NINL: variants seen among roughly 807,000 people sequenced by gnomAD.
The protein encoded by NINL is ninein like, also known as ninein-like protein.
Under a neutral mutation model 160.3 loss-of-function variants are expected in NINL, and 153 were observed. The ratio of observed to expected loss-of-function variants is 0.95; its 90% confidence interval spans 0.84 to 1.09. NINL has a LOEUF of 1.09. Among genes scored for constraint, NINL ranks in the 50% least tolerant of loss-of-function variants. The probability of loss-of-function intolerance (pLI) is 0.00; values close to 1 mark genes in which losing one functional copy is unlikely to be tolerated. For synonymous variants in NINL, 800 were observed against 734.8 expected (o/e 1.09, Z -1.43); for missense variants, 1,829 against 1,764.0 (o/e 1.04, Z -0.66).
At chr20:25,555,456 G>A (rs759353987) in intron 1 of NINL, among the ~76,000 whole-genome samples, 2 of 152,196 alleles carry the variant, frequency 1.3e-5, no homozygotes, top group African/African-American at 4.8e-5. Context: ...TTTACTCTAC[G>A]TAAAATTTGT....
chr20:25,484,044 A>C (rs1291327256), intron 13 of NINL, among the ~76,000 whole-genome samples: 1 of 152,206 alleles, frequency 6.6e-6, no homozygotes, highest in East Asian at 1.9e-4. Flanking sequence ...GATGAAGCCC[A>C]AAGTAGCCCT....
intron 5 of NINL, among the ~76,000 whole-genome samples, chr20:25,510,382 A>C (rs939257106): frequency 3.3e-5 from 5 of 152,228 alleles, no homozygotes; most frequent in African/African-American, 1.2e-4. Flanking sequence ...AGCTGGGGTC[A>C]CATCAGTACT....
intron 13 of NINL, 141 bp downstream of exon 13, chr20:25,489,103 G>A: frequency 3.7e-6 from 3 of 806,788 alleles, no homozygotes; most frequent in Non-Finnish European, 6.4e-6. Flanking sequence ...AAGTCTAGGA[G>A]TGTGGCAAGG....
intron 1 of NINL, among the ~76,000 whole-genome samples, chr20:25,563,941 G>A (rs1416943999): frequency 6.6e-6 from 1 of 152,150 alleles, no homozygotes; most frequent in East Asian, 1.9e-4. Flanking sequence ...AGAACTGGCT[G>A]GGCGTGGTGG....
intron 18 of NINL, among the ~76,000 whole-genome samples, chr20:25,468,818 C>T (rs1315648555): frequency 5.1e-5 from 7 of 136,058 alleles, no homozygotes; most frequent in African/African-American, 1.9e-4. Context: ...TGGGCACCCC[C>T]CTACCCTGTC....
At chr20:25,489,176 G>A in intron 13 of NINL, 68 bp downstream of exon 13, 2 of 1,428,238 alleles carry the variant, frequency 1.4e-6, no homozygotes, top group Non-Finnish European at 2.0e-6. Flanking sequence ...GCGTTACTGT[G>A]GACCACCTGC....
At chr20:25,519,704 G>A (rs1397278015) in intron 2 of NINL, among the ~76,000 whole-genome samples, 2 of 152,108 alleles carry the variant, frequency 1.3e-5, no homozygotes, top group Non-Finnish European at 2.9e-5. Context: ...GTATCTCAGA[G>A]ACATACTATG....
intron 13 of NINL, among the ~76,000 whole-genome samples, chr20:25,483,644 A>G (rs764448493): frequency 6.6e-6 from 1 of 152,266 alleles, no homozygotes; most frequent in African/African-American, 2.4e-5. Context: ...AGGCTAGGAC[A>G]CCATGGCAGG....
chr20:25,549,722 C>T (rs768010795), intron 1 of NINL, among the ~76,000 whole-genome samples: 5 of 152,172 alleles, frequency 3.3e-5, no homozygotes, highest in African/African-American at 1.2e-4. Flanking sequence ...AAAGCCCACT[C>T]GGACCTTGGA....
chr20:25,470,025 G>T lies in NINL; in HGVS notation c.3319C>A (p.Leu1107Ile). The part of the protein sequence containing the change: ...KNDLGRVRQE[L>I]EAAESTHDAQ... ...TCGTGAGTACTTTCTGCAGCTTCAA[G>T]CTCTTGCCGAACCCTTCCCAGATCG... The change falls in exon 18 of 24, where the codon CTT becomes ATT. Residue 1107 changes from leucine (L) to isoleucine (I), a missense_variant. Transcript: ENST00000278886. The T allele has an allele frequency of 6.2e-7, 1 of 1,614,162 alleles. No homozygotes were observed. The highest frequency in any genetic ancestry group is 8.5e-7 in the Non-Finnish European group (1 of 1,179,998).
At chr20:25,550,723 T>C (rs1206854214) in intron 1 of NINL, among the ~76,000 whole-genome samples, 3 of 152,214 alleles carry the variant, frequency 2.0e-5, no homozygotes, top group African/African-American at 7.2e-5. Flanking sequence ...AAGAGCAGTA[T>C]TGCTGCCAGC....
intron 1 of NINL, among the ~76,000 whole-genome samples, chr20:25,566,456 G>A (rs2065000798): frequency 6.6e-6 from 1 of 151,966 alleles, no homozygotes; most frequent in African/African-American, 2.4e-5. Flanking sequence ...GCAAGCATCA[G>A]AACCCACCTC....
At chr20:25,548,775 C>T (rs1429444881) in intron 1 of NINL, among the ~76,000 whole-genome samples, 1 of 149,848 alleles carries the variant, frequency 6.7e-6, no homozygotes. Context: ...GCACCCACGG[C>T]CACAGCTCCC....
At chr20:25,572,358 G>C (rs2065063980) in intron 1 of NINL, among the ~76,000 whole-genome samples, 1 of 152,022 alleles carries the variant, frequency 6.6e-6, no homozygotes, top group Admixed American at 6.6e-5. Context: ...CCCACTCTCT[G>C]AGCTGTCAGA....
At chr20:25,456,531 G>A (rs193055058) in intron 22 of NINL, among the ~76,000 whole-genome samples, 10 of 151,382 alleles carry the variant, frequency 6.6e-5, no homozygotes, top group African/African-American at 1.9e-4. Flanking sequence ...CTGGGTGACA[G>A]AGCAAGACTC....
At chr20:25,577,727 G>A (rs1054742903) in intron 1 of NINL, among the ~76,000 whole-genome samples, 2 of 152,094 alleles carry the variant, frequency 1.3e-5, no homozygotes, top group East Asian at 1.9e-4. Context: ...CCATCCTGGC[G>A]GGGGAGCCCA....
At chr20:25,556,978 G>C (rs2064874407) in intron 1 of NINL, among the ~76,000 whole-genome samples, 1 of 152,170 alleles carries the variant, frequency 6.6e-6, no homozygotes, top group Non-Finnish European at 1.5e-5. Context: ...CACCTCCACA[G>C]CTCCCACTCC....
chr20:25,515,779 T>A (rs1470385278), intron 3 of NINL, among the ~76,000 whole-genome samples: 1 of 152,068 alleles, frequency 6.6e-6, no homozygotes, highest in Non-Finnish European at 1.5e-5. Context: ...TGTTTTTGTT[T>A]TGTTTTTTTG....
At chr20:25,568,231 T>C (rs1342044914) in intron 1 of NINL, among the ~76,000 whole-genome samples, 1 of 114,146 alleles carries the variant, frequency 8.8e-6, no homozygotes, top group African/African-American at 2.8e-5. Flanking sequence ...TTGTCAGATC[T>C]CAAAAAAAAA....
Sources: allele counts gnomAD v4.1 joint callset (sites outside exome capture counted in the v4.1 genomes callset), GRCh38; gene constraint gnomAD v4.1.1; transcripts MANE v1.5; gene names NCBI Gene and HGNC (gene_info 2026-07-23, HGNC 2026-07-21).